THAP8: variants seen among roughly 807,000 people sequenced by gnomAD.
The protein encoded by THAP8 is THAP domain containing 8.
Under a neutral mutation model 25.0 loss-of-function variants are expected in THAP8, and 24 were observed. That is an observed-to-expected ratio of 0.96 (90% CI 0.69 to 1.35). The LOEUF (loss-of-function observed/expected upper bound fraction) is 1.35, where lower values mean the gene tolerates loss of function less well. Ranked by LOEUF, THAP8 falls within the 40% of genes most tolerant of loss-of-function variation. THAP8 has a pLI of 0.00. For synonymous variants in THAP8, 169 were observed against 157.6 expected (o/e 1.07, Z -0.54); for missense variants, 399 against 368.8 (o/e 1.08, Z -0.67).
At chr19:36,045,624 G>A (rs926344406) in intron 1 of THAP8, 2 of 415,054 alleles carry the variant, frequency 4.8e-6, no homozygotes, top group Admixed American at 2.7e-5. Flanking sequence ...TTGAGATGGG[G>A]AGATTATCCT....
chr19:36,042,972 A>G (rs1969749786), intron 1 of THAP8, among the ~76,000 whole-genome samples: 1 of 152,092 alleles, frequency 6.6e-6, no homozygotes, highest in Non-Finnish European at 1.5e-5. Context: ...TCTGTTGCCC[A>G]GGATGGAATG....
At chr19:36,045,851 C>T (rs937756700) in intron 1 of THAP8, 12 of 456,524 alleles carry the variant, frequency 2.6e-5, no homozygotes, top group African/African-American at 1.4e-4. Context: ...ACAGCCCTGC[C>T]GACACCTTGG....
At position 36,040,056 on chromosome 19, in the gene THAP8, T is replaced by G. The variant is rs1969635187; in HGVS notation, c.164A>C (p.Gln55Pro). ...GCEHWVPSCH[Q>P]HLCSEHFTPS... ...TGTGAAGTGCTCGCTGCACAAGTGC[T>G]GGTGGCAGCTGGGCACCCAGTGCTC... The change falls in exon 2 of 4, where the codon CAG becomes CCG. Residue 55 changes from glutamine to proline, a missense_variant. Physicochemically the swap from Gln to Pro is moderately conservative, Grantham distance 76 (BLOSUM62 -1). Coordinates refer to ENST00000292894, the MANE Select transcript of THAP8 (RefSeq NM_152658.3). 2.5e-6 allele frequency: 4 copies of G among 1,613,500 alleles called. No individual in the cohort carries two copies. The African/African-American group carries it at 5.3e-5, about 22-fold the overall frequency.
At chr19:36,039,279 GC>G in intron 3 of THAP8, 43 bp downstream of exon 3, 7 of 1,424,206 alleles carry the variant, frequency 4.9e-6, no homozygotes, top group Non-Finnish European at 6.4e-6. Flanking sequence ...TGCAGGCCAG[GC>G]CACCACCCAT....
chr19:36,037,788 T>C (rs1969530308), intron 3 of THAP8, among the ~76,000 whole-genome samples: 1 of 151,624 alleles, frequency 6.6e-6, no homozygotes, highest in Non-Finnish European at 1.5e-5. Flanking sequence ...TACAGACGTG[T>C]GCCACCACGT....
upstream of THAP8, chr19:36,054,651 G>T: frequency 1.8e-6 from 1 of 554,636 alleles, no homozygotes; most frequent in Non-Finnish European, 3.2e-6. Flanking sequence ...TGAGGCGGCC[G>T]TGGCCTTAGC....
At chr19:36,050,696 G>C (rs1483174157) in intron 1 of THAP8, among the ~76,000 whole-genome samples, 1 of 152,170 alleles carries the variant, frequency 6.6e-6, no homozygotes, top group Non-Finnish European at 1.5e-5. Context: ...GCAGAAACAA[G>C]ATCTGTCAGG....
chr19:36,037,383 CA>C, intron 3 of THAP8, among the ~76,000 whole-genome samples: 1 of 150,306 alleles, frequency 6.7e-6, no homozygotes, highest in African/African-American at 2.5e-5. Flanking sequence ...CACACACACC[CA>C]GCAGTAAAAT....
At position 36,039,677 on chromosome 19, in the gene THAP8, C is replaced by G; in HGVS notation, c.318G>C (p.Pro106=). Residue 106 remains proline, a synonymous_variant, in exon 3 of 4, where the codon CCG becomes CCC. Coordinates refer to ENST00000292894, the MANE Select transcript of THAP8 (RefSeq NM_152658.3). ...RTRSTQKPVS[P]PPPLQKNTPL... is the part of the protein sequence containing the mutation. ...GTGTATTCTTCTGTAGGGGAGGCGGCGGCGAGACTGGCTTCTGGGTGCTTC... is the reference window on the plus strand; with the variant it reads ...GTGTATTCTTCTGTAGGGGAGGCGGGGGCGAGACTGGCTTCTGGGTGCTTC... The G allele has an allele frequency of 6.6e-7, 1 of 1,525,424 alleles. No individual in the cohort carries two copies. The highest frequency in any genetic ancestry group is 8.8e-7 in the Non-Finnish European group (1 of 1,135,120). 94.5% of individuals were successfully genotyped at this position (1,525,424 alleles called of 1,614,324 possible). A position where few individuals can be genotyped will look rare whatever the true frequency, so the allele number is the denominator to read the frequency against.
rs201198189 is a variant in THAP8 at position 36,040,103 on chromosome 19, G to C, written c.117C>G (p.Ala39=). Residue 39 remains alanine (A), a synonymous_variant, in exon 2 of 4, where the codon GCC becomes GCG. Coordinates refer to ENST00000292894, the MANE Select transcript of THAP8 (RefSeq NM_152658.3). The part of the protein sequence containing the change: ...FPLKDGPRLQ[A]WLQHMGCEHW... Reference sequence around the variant, plus strand: ...GCTCACAGCCCATGTGCTGCAGCCAGGCCTGCAGCCGGGGACCATCCTTCA... The same window carrying C: ...GCTCACAGCCCATGTGCTGCAGCCACGCCTGCAGCCGGGGACCATCCTTCA... 1.4e-5 allele frequency: 22 copies of C among 1,612,016 alleles called. No individual in the cohort carries two copies. In the East Asian group the frequency reaches 4.9e-4, roughly 36 times the overall value.
At chr19:36,039,174 C>T (rs1969587458) in intron 3 of THAP8, 149 bp downstream of exon 3, 10 of 1,160,230 alleles carry the variant, frequency 8.6e-6, no homozygotes, top group Admixed American at 7.2e-5. Context: ...GGATTACAGG[C>T]GTGAGCCACT....
intron 3 of THAP8, among the ~76,000 whole-genome samples, chr19:36,036,383 C>T (rs1268081574): frequency 6.8e-6 from 1 of 146,468 alleles, no homozygotes; most frequent in East Asian, 2.1e-4. Context: ...TCAAGCAATA[C>T]TCCCACTTCA....
At chr19:36,046,025 G>A (rs974297388) in intron 1 of THAP8, 2 of 379,556 alleles carry the variant, frequency 5.3e-6, no homozygotes, top group Non-Finnish European at 1.0e-5. Flanking sequence ...TTTATATAAA[G>A]AAACTATGGT....
chr19:36,035,683 G>A, intron 3 of THAP8, 91 bp from the exon 4 acceptor site: 1 of 1,467,182 alleles, frequency 6.8e-7, no homozygotes, highest in East Asian at 2.3e-5. Flanking sequence ...GGAGGCAAAG[G>A]TGGCAGGAGG....
rs541727777 is a variant in THAP8, at chr19:36,040,152, G to T, written c.84-16C>A. On this transcript the variant is annotated splice_polypyrimidine_tract_variant and intron_variant, in intron 1 of 3. Transcript: ENST00000292894. ...CAGTGGGAACCTGCATGGGTGGTTG[G>T]GGGGCTGGGTCAGTGCTACGAGGTT... 9 of 1,594,420 alleles carry T rather than the reference G, an allele frequency of 5.6e-6. No individual in the cohort carries two copies. Among genetic ancestry groups the T allele is most frequent in the Middle Eastern group, 3.3e-4 (2 of 6,006 alleles).
At chr19:36,047,461 T>C (rs1412466460) in intron 1 of THAP8, among the ~76,000 whole-genome samples, 1 of 152,144 alleles carries the variant, frequency 6.6e-6, no homozygotes, top group African/African-American at 2.4e-5. Context: ...CAGTGGTGGC[T>C]GGGGCACTGG....
intron 1 of THAP8, among the ~76,000 whole-genome samples, chr19:36,050,821 C>T (rs1325415381): frequency 6.6e-6 from 1 of 152,182 alleles, no homozygotes; most frequent in Non-Finnish European, 1.5e-5. Flanking sequence ...TGGCCCTACA[C>T]CAGGGTCCCT....
intron 1 of THAP8, among the ~76,000 whole-genome samples, chr19:36,053,310 T>C (rs973980582): frequency 1.5e-5 from 2 of 132,484 alleles, no homozygotes; most frequent in Admixed American, 1.7e-4. Context: ...TCAGGTGATC[T>C]GCCCGCCTCG....
intron 1 of THAP8, among the ~76,000 whole-genome samples, chr19:36,048,452 G>A (rs1027777706): frequency 2.0e-5 from 3 of 151,258 alleles, no homozygotes; most frequent in East Asian, 2.0e-4. Flanking sequence ...TGCAACCTCC[G>A]CCTCCCAGGT....
Sources: gnomAD v4.1 joint callset for allele counts (sites outside exome capture counted in the v4.1 genomes callset) on GRCh38, gnomAD v4.1.1 for gene constraint, MANE v1.5 for transcripts, NCBI Gene and HGNC (gene_info 2026-07-23, HGNC 2026-07-21) for gene names.